The following MVB12B variants were observed in gnomAD, a reference collection of about 807,000 sequenced individuals.
The protein encoded by MVB12B is multivesicular body subunit 12B.
In MVB12B, 16 loss-of-function variants were observed where a neutral mutation model predicts 41.6. That is an observed-to-expected ratio of 0.38 (90% CI 0.26 to 0.58). MVB12B has a LOEUF of 0.58. Ranked by LOEUF, MVB12B falls within the 20% of genes least tolerant of loss-of-function variation. The probability of loss-of-function intolerance (pLI) is 0.62; values close to 1 mark genes in which losing one functional copy is unlikely to be tolerated. For synonymous variants in MVB12B, 133 were observed against 139.7 expected (o/e 0.95, Z 0.34); for missense variants, 274 against 380.2 (o/e 0.72, Z 2.32).
chr9:126,455,058 A>C (rs1459121320), intron 7 of MVB12B, among the ~76,000 whole-genome samples: 1 of 151,938 alleles, frequency 6.6e-6, no homozygotes, highest in Admixed American at 6.6e-5. Context: ...CTGGGCCAAA[A>C]CCCTATTTCT....
rs144364906 is a variant in MVB12B, at chr9:126,389,390, T to G, written c.410-2676T>G. 5.9e-5 allele frequency among the ~76,000 whole-genome samples: 9 copies of G among 152,328 alleles called. 1 individual carries two copies. The highest frequency in any genetic ancestry group is 2.2e-4 in the African/African-American group (9 of 41,568). On this transcript the variant is annotated intron_variant, in intron 4 of 9. Transcript: ENST00000361171. This position sits in a 1 kb window ranked among gnomAD's most constrained non-coding sequence, Gnocchi z 4.4. ...TCCTGTAATTCATTGAAAATATGGT[T>G]TGCTGTAATCCATATAGCACTGAAA...
chr9:126,346,736 A>G (rs555972910), intron 2 of MVB12B, among the ~76,000 whole-genome samples: 36 of 152,338 alleles, frequency 2.4e-4, no homozygotes, highest in African/African-American at 8.4e-4. Flanking sequence ...GGAGGCACTC[A>G]AAAGGGGACT....
At chr9:126,471,266 C>T (rs1415421148) in intron 7 of MVB12B, among the ~76,000 whole-genome samples, 1 of 152,216 alleles carries the variant, frequency 6.6e-6, no homozygotes, top group African/African-American at 2.4e-5. Context: ...CAATTATCCT[C>T]ATATGACAGA....
At chr9:126,437,583 G>C (rs983807188) in intron 7 of MVB12B, among the ~76,000 whole-genome samples, 2 of 152,192 alleles carry the variant, frequency 1.3e-5, no homozygotes, top group East Asian at 3.8e-4. Flanking sequence ...ACAGAAAACC[G>C]GAGACAGTTG....
chr9:126,499,125 G>A (rs1201832145), intron 9 of MVB12B, among the ~76,000 whole-genome samples: 2 of 152,304 alleles, frequency 1.3e-5, no homozygotes, highest in East Asian at 3.9e-4. Context: ...GGTGCTGCTG[G>A]AAGCTGCAGT....
intron 7 of MVB12B, among the ~76,000 whole-genome samples, chr9:126,433,361 C>T (rs1280953586): frequency 1.4e-5 from 2 of 145,774 alleles, no homozygotes; most frequent in Non-Finnish European, 2.9e-5. Flanking sequence ...ATCAAAGAAC[C>T]TCTGCCTTCA....
intron 2 of MVB12B, among the ~76,000 whole-genome samples, chr9:126,364,304 G>A (rs528489724): frequency 1.3e-5 from 2 of 152,228 alleles, no homozygotes; most frequent in East Asian, 1.9e-4. Flanking sequence ...ACTCATGAAC[G>A]GCGCGAGTTC....
At position 126,447,726 on chromosome 9, in the gene MVB12B, T is replaced by C. The variant is rs1467147818; in HGVS notation, c.757+25778T>C. Among the ~76,000 whole-genome samples the C allele has an allele frequency of 3.9e-5, 6 of 152,314 alleles. No individual in the cohort carries two copies. The South Asian group carries it at 1.2e-3, about 32-fold the overall frequency. On this transcript the variant is annotated intron_variant, in intron 7 of 9. Transcript: ENST00000361171. ...GGATGGATGGGTATGTATACCCCCA[T>C]ATAGATATATACATTCATTCATTCA...
intron 3 of MVB12B, among the ~76,000 whole-genome samples, chr9:126,381,537 C>T (rs547323230): frequency 1.3e-5 from 2 of 152,280 alleles, no homozygotes; most frequent in South Asian, 2.1e-4. Context: ...CAGCATGGCT[C>T]AGGGAGGGCC....
At chr9:126,431,606 T>TC (rs1832333399) in intron 7 of MVB12B, among the ~76,000 whole-genome samples, 1 of 152,152 alleles carries the variant, frequency 6.6e-6, no homozygotes, top group African/African-American at 2.4e-5. Context: ...CACTGTGCTT[T>TC]CCTTCTCTTT....
At chr9:126,334,215 C>T (rs910991110) in intron 1 of MVB12B, among the ~76,000 whole-genome samples, 2 of 152,054 alleles carry the variant, frequency 1.3e-5, no homozygotes, top group African/African-American at 4.8e-5. Flanking sequence ...TCTTAGAGAC[C>T]GGGAATGTAG....
chr9:126,490,469 G>C (rs1156769999), intron 9 of MVB12B, among the ~76,000 whole-genome samples: 2 of 152,304 alleles, frequency 1.3e-5, no homozygotes, highest in East Asian at 3.9e-4. Context: ...AGCCCCATGC[G>C]GAGCCGTTTC....
At chr9:126,489,301 C>A (rs1833683189) in intron 9 of MVB12B, among the ~76,000 whole-genome samples, 1 of 152,222 alleles carries the variant, frequency 6.6e-6, no homozygotes, top group Non-Finnish European at 1.5e-5. Context: ...TTCCCAGGCC[C>A]CCTCACCCCA....
intron 6 of MVB12B, among the ~76,000 whole-genome samples, chr9:126,402,674 G>A (rs937303927): frequency 2.0e-5 from 3 of 152,166 alleles, no homozygotes; most frequent in African/African-American, 4.8e-5. Context: ...AAGAAGACGA[G>A]GGCTTGGGCC....
Position 126,386,558 on chromosome 9 carries a change from C to G in MVB12B, c.313-4C>G. On this transcript the variant is annotated splice_polypyrimidine_tract_variant and splice_region_variant and intron_variant, in intron 3 of 9. Coordinates refer to ENST00000361171, the MANE Select transcript of MVB12B (RefSeq NM_033446.3). The surrounding 1 kb of genome is among the most constrained non-coding windows in gnomAD (Gnocchi z 4.3). ...AGTCTGTATCTCTTTTCTTTCTTCC[C>G]AAGAGTCATCTGGGGAACGTGTTAG... The G allele has an allele frequency of 6.2e-7, 1 of 1,611,454 alleles. No individual in the cohort carries two copies. Among genetic ancestry groups the G allele is most frequent in the Non-Finnish European group, 8.5e-7 (1 of 1,177,740 alleles).
intron 1 of MVB12B, chr9:126,327,419 GGTGCAGACCAAC>G: frequency 1.3e-6 from 1 of 762,624 alleles, no homozygotes; most frequent in Middle Eastern, 6.7e-4. Flanking sequence ...TGGTCACGTG[GGTGCAGACCAAC>G]GTGCACCTGC....
chr9:126,354,273 A>G (rs981534707), intron 2 of MVB12B, among the ~76,000 whole-genome samples: 8 of 152,112 alleles, frequency 5.3e-5, no homozygotes, highest in Non-Finnish European at 1.0e-4. Context: ...TCAATCTTTC[A>G]GTCTTGTTCA....
At chr9:126,378,637 T>C (rs1397747062) in intron 2 of MVB12B, among the ~76,000 whole-genome samples, 2 of 151,808 alleles carry the variant, frequency 1.3e-5, no homozygotes, top group Non-Finnish European at 2.9e-5. Flanking sequence ...TCTGTCTCTC[T>C]CTCTCTCTCT....
intron 7 of MVB12B, among the ~76,000 whole-genome samples, chr9:126,446,167 A>G (rs1006931850): frequency 2.0e-5 from 3 of 152,064 alleles, no homozygotes; most frequent in African/African-American, 7.2e-5. Flanking sequence ...TAATAAATTC[A>G]GGCACTAATT....
Sources: gnomAD v4.1 joint callset for allele counts (sites outside exome capture counted in the v4.1 genomes callset) on GRCh38, gnomAD v4.1.1 for gene constraint, Gnocchi (gnomAD v3.1) non-coding constraint, MANE v1.5 for transcripts, NCBI Gene and HGNC (gene_info 2026-07-23, HGNC 2026-07-21) for gene names.